Variants in ACVR2B observed in about 807,000 individuals in gnomAD.
ACVR2B encodes activin receptor type-2B.
A neutral mutation model predicts 65.1 loss-of-function variants in ACVR2B; 18 were observed. The ratio of observed to expected loss-of-function variants is 0.28; its 90% confidence interval spans 0.19 to 0.41. The LOEUF is 0.41. ACVR2B is among the 10% of genes least tolerant of loss of function. The pLI is 1.00. For missense variants in ACVR2B, 482 were observed against 682.7 expected (o/e 0.71, Z 3.28); for synonymous variants, 298 against 277.7 (o/e 1.07, Z -0.73).
intron 5 of ACVR2B, 127 bp from the exon 6 acceptor site, chr3:38,479,001 G>A: frequency 8.0e-7 from 1 of 1,250,918 alleles, no homozygotes; most frequent in Non-Finnish European, 1.2e-6. Context: ...GGAGGCTGGG[G>A]GGTGGGGATT....
At chr3:38,476,079 G>C (rs575056299) in intron 1 of ACVR2B, 8 of 152,392 alleles carry the variant, frequency 5.2e-5, no homozygotes, top group African/African-American at 1.9e-4. Context: ...CCTATAATGG[G>C]GTGCTGGCAG....
chr3:38,456,933 A>G lies in ACVR2B; in HGVS notation c.52+2559A>G, dbSNP rs981845239. 5.9e-5 allele frequency among the ~76,000 whole-genome samples: 9 copies of G among 152,350 alleles called. No homozygotes were observed. The East Asian group carries it at 1.7e-3, about 29-fold the overall frequency. On this transcript the variant is annotated intron_variant, in intron 1 of 10. Coordinates refer to ENST00000352511, the MANE Select transcript of ACVR2B (RefSeq NM_001106.4). ...CAATAGTATATTTTACTGGCCTGGC[A>G]CAGTGGCTCATGCCAGTAATCCCAG...
Position 38,454,193 on chromosome 3 carries a change from C to A in ACVR2B, c.-130C>A. On this transcript the variant is annotated 5_prime_UTR_variant, in exon 1 of 11. Coordinates refer to ENST00000352511, the MANE Select transcript of ACVR2B (RefSeq NM_001106.4). ...TGCTCGGGGACGAAGGCGCAGGAAG[C>A]GCGCAGGGAACGAGACCGAAGGAAG... is the stretch of plus-strand genomic sequence containing the variant. 2 of 632,636 alleles carry A rather than the reference C, an allele frequency of 3.2e-6. No individual in the cohort carries two copies. Among genetic ancestry groups the A allele is most frequent in the South Asian group, 6.2e-5 (1 of 16,026 alleles). The allele number at this position is 632,636 out of a possible 1,614,324, so 39.2% of individuals were successfully genotyped here.
rs779507051 is a variant in ACVR2B at position 38,478,267 on chromosome 3, C to A, written c.497C>A (p.Pro166His). The A allele has an allele frequency of 6.2e-7, 1 of 1,614,102 alleles. No homozygotes were observed. The highest frequency in any genetic ancestry group is 8.5e-7 in the Non-Finnish European group (1 of 1,180,020). ...TGGATGTACCGGCATCGCAAGCCCC[C>A]CTACGGTCATGTGGACATCCATGAG... Reference protein sequence around the residue: ...AFWMYRHRKPPYGHVDIHEDP... With the variant: ...AFWMYRHRKPHYGHVDIHEDP... The change falls in exon 4 of 11, where the codon CCC (proline) becomes CAC (histidine). Residue 166 changes from proline (P) to histidine (H), a missense_variant. This residue lies in a region of ACVR2B where 95 missense variants were observed against 91.6 expected (regional missense o/e 1.04). Transcript: ENST00000352511.
In ACVR2B at chr3:38,488,727, C is replaced by T. The variant is rs1402626418; in HGVS notation, c.*5395C>T. The T allele has an allele frequency of 6.6e-6, 1 of 152,186 alleles. No homozygotes were observed. Among genetic ancestry groups the T allele is most frequent in the Non-Finnish European group, 1.5e-5 (1 of 68,036 alleles). 9.4% of individuals were successfully genotyped at this position (152,186 alleles called of 1,614,324 possible). ...GCCAAAACCAGTGATACTTTATTTG[C>T]TCCTATGGCAGCTCATAGAGGTAAC... On this transcript the variant is annotated 3_prime_UTR_variant, in exon 11 of 11. Coordinates refer to ENST00000352511, the MANE Select transcript of ACVR2B (RefSeq NM_001106.4).
rs75202633 is a variant in ACVR2B, at chr3:38,457,722, G to A, written c.52+3348G>A. ...GACCAGAGCTCTTGGAGAGGGACCT[G>A]CCTCCTGTCTATCCCATCAGGAAGT... On this transcript the variant is annotated intron_variant, in intron 1 of 10. Transcript: ENST00000352511. 3.8e-3 allele frequency among the ~76,000 whole-genome samples: 586 copies of A among 152,342 alleles called. 4 individuals carry two copies. The highest frequency in any genetic ancestry group is 0.014 in the Middle Eastern group (4 of 294).
chr3:38,461,440 T>G (rs1339008093), intron 1 of ACVR2B, among the ~76,000 whole-genome samples: 8 of 152,178 alleles, frequency 5.3e-5, no homozygotes, highest in Non-Finnish European at 1.0e-4. Flanking sequence ...CTCTGGGCCT[T>G]AGAAACCAGA....
intron 1 of ACVR2B, among the ~76,000 whole-genome samples, chr3:38,460,115 T>C (rs1016183453): frequency 1.3e-5 from 2 of 152,340 alleles, no homozygotes; most frequent in South Asian, 4.1e-4. Context: ...AGGTTCAGAC[T>C]TCCTAGTTCC....
chr3:38,478,069 G>A, intron 3 of ACVR2B, 72 bp from the exon 4 acceptor site: 1 of 1,596,770 alleles, frequency 6.3e-7, no homozygotes, highest in Non-Finnish European at 8.6e-7. Context: ...GTGGCTACAG[G>A]GCCCTGTAGT....
rs1225303280 is a variant in ACVR2B at position 38,485,159 on chromosome 3, G to A, written c.*1827G>A. The A allele has an allele frequency of 6.6e-6, 1 of 152,200 alleles. No individual in the cohort carries two copies. Among genetic ancestry groups the A allele is most frequent in the Non-Finnish European group, 1.5e-5 (1 of 68,066 alleles). 9.4% of individuals were successfully genotyped at this position (152,200 alleles called of 1,614,324 possible). ...GGTTGACCTGGGTGAGAACTGAAGA[G>A]GCCGCCTCCTCTTGGGTTGTTTGGA... is the stretch of plus-strand genomic sequence containing the variant. On this transcript the variant is annotated 3_prime_UTR_variant, in exon 11 of 11. Transcript: ENST00000352511.
chr3:38,465,165 G>A (rs969510075), intron 1 of ACVR2B, among the ~76,000 whole-genome samples: 2 of 152,014 alleles, frequency 1.3e-5, no homozygotes, highest in Admixed American at 6.6e-5. Flanking sequence ...TTGGGAGGCC[G>A]AGGTGGGTGG....
At chr3:38,482,682 C>T (rs1302568424) in intron 10 of ACVR2B, 122 bp downstream of exon 10, 1 of 1,381,244 alleles carries the variant, frequency 7.2e-7, no homozygotes, top group Non-Finnish European at 9.9e-7. Context: ...GTTCCCTGGA[C>T]TCTAGGGATG....
intron 1 of ACVR2B, among the ~76,000 whole-genome samples, chr3:38,472,815 C>T (rs572439864): frequency 1.3e-5 from 2 of 152,272 alleles, no homozygotes; most frequent in Admixed American, 1.3e-4. Flanking sequence ...TTGAGCCCCT[C>T]ACAGATGGGA....
intron 9 of ACVR2B, 40 bp from the exon 10 acceptor site, chr3:38,482,390 G>A (rs780481900): frequency 1.2e-6 from 2 of 1,610,734 alleles, no homozygotes; most frequent in Admixed American, 1.7e-5. Context: ...GGAGCAGTGG[G>A]ACCTTAGAGT....
chr3:38,465,623 T>C (rs183376779), intron 1 of ACVR2B, among the ~76,000 whole-genome samples: 32 of 152,072 alleles, frequency 2.1e-4, no homozygotes, highest in African/African-American at 7.0e-4. Context: ...AGATATAAAC[T>C]GAAGCATGGA....
Position 38,492,754 on chromosome 3 carries a change from A to T in ACVR2B, c.*9422A>T, listed in dbSNP as rs2059820801. 1 of 15,282 alleles carries T rather than the reference A, an allele frequency of 6.5e-5. No homozygotes were observed. Among genetic ancestry groups the T allele is most frequent in the African/African-American group, 2.1e-4 (1 of 4,824 alleles). The allele number at this position is 15,282 out of a possible 1,614,324, so 0.9% of individuals were successfully genotyped here. ...ATTACACACACACACACACACACAC[A>T]CACACACACACACACACACACACAC... On this transcript the variant is annotated 3_prime_UTR_variant, in exon 11 of 11. Coordinates refer to ENST00000352511, the MANE Select transcript of ACVR2B (RefSeq NM_001106.4).
chr3:38,469,474 T>C (rs1021812385), intron 1 of ACVR2B, among the ~76,000 whole-genome samples: 1 of 152,194 alleles, frequency 6.6e-6, no homozygotes, highest in African/African-American at 2.4e-5. Flanking sequence ...ATGTCTTTGT[T>C]GACAAAGAGA....
At chr3:38,468,522 C>T (rs779256062) in intron 1 of ACVR2B, among the ~76,000 whole-genome samples, 19 of 152,228 alleles carry the variant, frequency 1.2e-4, no homozygotes, top group Middle Eastern at 3.4e-3. Context: ...ACATAATCTC[C>T]GCTGGGTTGG....
Position 38,482,196 on chromosome 3 carries a change from A to T in ACVR2B, c.1075-2A>T, listed in dbSNP as rs1710028432. The T allele has an allele frequency of 6.2e-7, 1 of 1,613,456 alleles. No homozygotes were observed. Among genetic ancestry groups the T allele is most frequent in the African/African-American group, 1.3e-5 (1 of 74,658 alleles). On this transcript the variant is annotated splice_acceptor_variant, in intron 8 of 10. Coordinates refer to ENST00000352511, the MANE Select transcript of ACVR2B (RefSeq NM_001106.4). LOFTEE classifies it high-confidence loss of function. Reference sequence around the variant, plus strand: ...ATCCTGCCCTCCTCTGTCCTCACATAGGTAGGCACGAGACGGTACATGGCT... The same window carrying T: ...ATCCTGCCCTCCTCTGTCCTCACATTGGTAGGCACGAGACGGTACATGGCT...
Sources: gnomAD v4.1 joint callset for allele counts (sites outside exome capture counted in the v4.1 genomes callset) on GRCh38, gnomAD v4.1.1 for gene constraint, gnomAD v4.1.1 regional missense constraint, MANE v1.5 for transcripts, NCBI Gene and HGNC (gene_info 2026-07-23, HGNC 2026-07-21) for gene names.